The following PTPRD variants were observed in gnomAD, a reference collection of about 807,000 sequenced individuals.
PTPRD encodes receptor-type tyrosine-protein phosphatase delta.
A neutral mutation model predicts 214.5 loss-of-function variants in PTPRD; 34 were observed. That is an observed-to-expected ratio of 0.16 (90% CI 0.12 to 0.21). The LOEUF is 0.21. Ranked by LOEUF, PTPRD falls within the 10% of genes least tolerant of loss-of-function variation. The probability of loss-of-function intolerance (pLI) is 1.00; values close to 1 mark genes in which losing one functional copy is unlikely to be tolerated. For missense variants in PTPRD, 2,545 were observed against 2,398.7 expected (o/e 1.06, Z -1.27); for synonymous variants, 1,128 against 845.7 (o/e 1.33, Z -5.79).
chr9:10,303,018 A>C (rs1472354707), intron 3 of PTPRD, among the ~76,000 whole-genome samples: 1 of 152,084 alleles, frequency 6.6e-6, no homozygotes, highest in East Asian at 1.9e-4. Context: ...GAAGTAAAAC[A>C]CTCCTCAGGG....
chr9:9,396,172 C>T (rs568202074), intron 9 of PTPRD, among the ~76,000 whole-genome samples: 2 of 152,106 alleles, frequency 1.3e-5, no homozygotes, highest in Non-Finnish European at 2.9e-5. Context: ...TCTTTGAACA[C>T]TGAATCAAGA....
At chr9:9,526,738 A>T (rs540464520) in intron 8 of PTPRD, among the ~76,000 whole-genome samples, 1 of 152,286 alleles carries the variant, frequency 6.6e-6, no homozygotes, top group East Asian at 1.9e-4. Flanking sequence ...GCATTTCACA[A>T]TCTTTGTGGA....
intron 2 of PTPRD, among the ~76,000 whole-genome samples, chr9:10,561,670 T>C: frequency 1.3e-5 from 2 of 152,236 alleles, no homozygotes; most frequent in South Asian, 4.1e-4. Flanking sequence ...ATGTCTTCAT[T>C]TTCTATTTTG....
At chr9:8,946,556 C>T (rs1196916491) in intron 11 of PTPRD, among the ~76,000 whole-genome samples, 1 of 152,144 alleles carries the variant, frequency 6.6e-6, no homozygotes, top group Non-Finnish European at 1.5e-5. Flanking sequence ...TTAGCAGAAG[C>T]GCACAGGTCT....
chr9:8,838,607 G>C (rs1031339215), intron 11 of PTPRD, among the ~76,000 whole-genome samples: 3 of 151,646 alleles, frequency 2.0e-5, no homozygotes, highest in African/African-American at 7.3e-5. Flanking sequence ...AGGTTATTTA[G>C]TTTGACAGAT....
intron 8 of PTPRD, among the ~76,000 whole-genome samples, chr9:9,404,186 C>G (rs2072195900): frequency 6.6e-6 from 1 of 151,952 alleles, no homozygotes; most frequent in South Asian, 2.1e-4. Flanking sequence ...GTTTATATTC[C>G]AAGGGCAATG....
chr9:8,712,370 G>T (rs1256331822), intron 12 of PTPRD, among the ~76,000 whole-genome samples: 1 of 151,580 alleles, frequency 6.6e-6, no homozygotes, highest in Non-Finnish European at 1.5e-5. Context: ...CTTTAATAAT[G>T]AACAACACTA....
At chr9:10,243,542 A>G (rs930816726) in intron 3 of PTPRD, among the ~76,000 whole-genome samples, 1 of 151,932 alleles carries the variant, frequency 6.6e-6, no homozygotes, top group African/African-American at 2.4e-5. Context: ...CTGATTTCCA[A>G]TCAACATTCT....
intron 5 of PTPRD, among the ~76,000 whole-genome samples, chr9:9,819,720 A>G (rs760546285): frequency 6.6e-6 from 1 of 152,020 alleles, no homozygotes; most frequent in Non-Finnish European, 1.5e-5. Flanking sequence ...CATGTCCATG[A>G]GCATCCGACA....
At chr9:9,274,865 A>G (rs958771939) in intron 9 of PTPRD, among the ~76,000 whole-genome samples, 6 of 149,362 alleles carry the variant, frequency 4.0e-5, no homozygotes, top group Non-Finnish European at 8.9e-5. Flanking sequence ...AGGTTTAGAT[A>G]GGAATGATTC....
intron 3 of PTPRD, among the ~76,000 whole-genome samples, chr9:10,183,709 AAG>A (rs2099314026): frequency 6.6e-6 from 1 of 152,204 alleles, no homozygotes. Flanking sequence ...GAAGGGGACA[AAG>A]AGAGGACACA....
chr9:9,068,455 C>A (rs1281627669), intron 10 of PTPRD, among the ~76,000 whole-genome samples: 1 of 151,968 alleles, frequency 6.6e-6, no homozygotes, highest in Non-Finnish European at 1.5e-5. Context: ...TACTTTCCAC[C>A]AACAATGCAT....
At chr9:10,599,006 T>C (rs535385276) in intron 2 of PTPRD, among the ~76,000 whole-genome samples, 4 of 151,662 alleles carry the variant, frequency 2.6e-5, no homozygotes, top group African/African-American at 9.7e-5. Flanking sequence ...TAAACAGCTA[T>C]GGGACTACAT....
At chr9:8,929,088 G>A (rs1021980579) in intron 11 of PTPRD, among the ~76,000 whole-genome samples, 1 of 152,100 alleles carries the variant, frequency 6.6e-6, no homozygotes, top group African/African-American at 2.4e-5. Flanking sequence ...GAAATTTTGG[G>A]CTGAGACGAT....
At chr9:9,623,963 G>A (rs1030088366) in intron 7 of PTPRD, among the ~76,000 whole-genome samples, 10 of 152,070 alleles carry the variant, frequency 6.6e-5, no homozygotes, top group Admixed American at 1.3e-4. Context: ...GGAAAAGAGC[G>A]AGCTAGTTTT....
chr9:8,730,687 A>G (rs1351326685), intron 12 of PTPRD, among the ~76,000 whole-genome samples: 2 of 152,176 alleles, frequency 1.3e-5, no homozygotes, highest in African/African-American at 4.8e-5. Flanking sequence ...TATTATGAAA[A>G]CTCATCCAGA....
At chr9:9,489,488 C>G (rs887729311) in intron 8 of PTPRD, among the ~76,000 whole-genome samples, 5 of 151,986 alleles carry the variant, frequency 3.3e-5, no homozygotes, top group African/African-American at 1.2e-4. Flanking sequence ...TAAACATACT[C>G]AGAGAAGTAA....
rs930003219 is a variant in PTPRD, at chr9:10,298,438, G to A, written c.-545+42525C>T. Among the ~76,000 whole-genome samples the A allele has an allele frequency of 2.1e-3, 312 of 152,134 alleles. 2 individuals carry two copies. The highest frequency in any genetic ancestry group is 6.8e-3 in the African/African-American group (284 of 41,526). On this transcript the variant is annotated intron_variant, in intron 3 of 45. Coordinates refer to ENST00000381196, the MANE Select transcript of PTPRD (RefSeq NM_002839.4). ...CATTCAATTTCCAATAACGATAAAA[G>A]AATATGTTAGAGTTAAGTTCAAAGA...
chr9:9,258,737 C>T (rs1056762769), intron 9 of PTPRD, among the ~76,000 whole-genome samples: 23 of 151,806 alleles, frequency 1.5e-4, no homozygotes, highest in African/African-American at 5.6e-4. Flanking sequence ...TATACAGCAG[C>T]ATTCTCAAGC....
Sources: allele counts gnomAD v4.1 joint callset (sites outside exome capture counted in the v4.1 genomes callset), GRCh38; gene constraint gnomAD v4.1.1; transcripts MANE v1.5; gene names NCBI Gene and HGNC (gene_info 2026-07-23, HGNC 2026-07-21).